The following SIPA1L3 variants were observed in gnomAD, a reference collection of about 807,000 sequenced individuals.
SIPA1L3 encodes signal induced proliferation associated 1 like 3.
Under a neutral mutation model 150.1 loss-of-function variants are expected in SIPA1L3, and 59 were observed. That is an observed-to-expected ratio of 0.39 (90% CI 0.32 to 0.49). The LOEUF is 0.49. Ranked by LOEUF, SIPA1L3 falls within the 20% of genes least tolerant of loss-of-function variation. The probability of loss-of-function intolerance (pLI) is 0.86; values close to 1 mark genes in which losing one functional copy is unlikely to be tolerated. For synonymous variants in SIPA1L3, 1,070 were observed against 1,077.6 expected (o/e 0.99, Z 0.14); for missense variants, 2,211 against 2,489.5 (o/e 0.89, Z 2.38).
chr19:38,076,696 T>C (rs1969845657), intron 2 of SIPA1L3, among the ~76,000 whole-genome samples: 1 of 152,146 alleles, frequency 6.6e-6, no homozygotes, highest in Admixed American at 6.5e-5. Context: ...AGTCATAACA[T>C]TACAAGAAAA....
At chr19:38,185,462 C>G (rs767867818) in intron 16 of SIPA1L3, 1 of 152,404 alleles carries the variant, frequency 6.6e-6, no homozygotes, top group Non-Finnish European at 1.5e-5. Flanking sequence ...CCCGCACCCC[C>G]ACTCTAGGCC....
intron 6 of SIPA1L3, chr19:38,106,234 G>A (rs1351319184): frequency 1.9e-5 from 6 of 314,170 alleles, no homozygotes; most frequent in Non-Finnish European, 3.0e-5. Flanking sequence ...AGCCTCCCGA[G>A]TAGCTGGGAC....
chr19:38,089,733 G>T (rs539376163), intron 4 of SIPA1L3, among the ~76,000 whole-genome samples: 3 of 152,318 alleles, frequency 2.0e-5, no homozygotes, highest in South Asian at 4.1e-4. Context: ...GCCTGTTGGG[G>T]CACCCATGCT....
At chr19:38,119,961 C>A in intron 9 of SIPA1L3, 79 bp downstream of exon 9, 1 of 1,011,318 alleles carries the variant, frequency 9.9e-7, no homozygotes. Flanking sequence ...TTCCCTAGCC[C>A]AGTCAGTTAG....
At chr19:38,112,084 C>CACATGCACACACCT (rs747352965) in intron 8 of SIPA1L3, among the ~76,000 whole-genome samples, 2 of 149,834 alleles carry the variant, frequency 1.3e-5, no homozygotes, top group African/African-American at 2.5e-5. Context: ...CATGCGTCCG[C>CACATGCACACACCT]ACATGCACAC....
chr19:38,000,828 A>G (rs944346265), intron 1 of SIPA1L3, among the ~76,000 whole-genome samples: 1 of 148,070 alleles, frequency 6.8e-6, no homozygotes, highest in African/African-American at 2.5e-5. Context: ...TGGTGGGGAG[A>G]GAATGAGTAA....
At chr19:38,203,764 C>A in intron 20 of SIPA1L3, 1 of 207,400 alleles carries the variant, frequency 4.8e-6, no homozygotes, top group Non-Finnish European at 9.7e-6. Flanking sequence ...CCTGGACCCG[C>A]CAGGTGCTCA....
intron 2 of SIPA1L3, among the ~76,000 whole-genome samples, chr19:38,068,213 T>C (rs1969640290): frequency 6.6e-6 from 1 of 151,966 alleles, no homozygotes; most frequent in African/African-American, 2.4e-5. Context: ...TATTTTTTAG[T>C]AGAGACGGGG....
chr19:38,150,529 CTTT>C (rs201046693), intron 12 of SIPA1L3, among the ~76,000 whole-genome samples: 10 of 119,816 alleles, frequency 8.3e-5, no homozygotes, highest in Non-Finnish European at 7.0e-5. Context: ...AATATCAACA[CTTT>C]TTTTTTTTTT....
rs531012741 is a variant in SIPA1L3 at position 37,912,779 on chromosome 19, AATTCAC to A, written c.-379+5423_-379+5428del. Among the ~76,000 whole-genome samples, 544 of 152,312 alleles carry A rather than the reference AATTCAC, an allele frequency of 3.6e-3. 3 individuals are homozygous for A. The highest frequency in any genetic ancestry group is 0.012 in the African/African-American group (504 of 41,564). ...ACATGTGTTCTTTCAAACCCAGAGA[AATTCAC>A]AGGAAGAGCCAACTCAATCACTTGA... On this transcript the variant is annotated intron_variant, in intron 1 of 21. Transcript: ENST00000222345.
intron 2 of SIPA1L3, among the ~76,000 whole-genome samples, chr19:38,049,736 A>T (rs1225306986): frequency 1.3e-5 from 2 of 150,668 alleles, no homozygotes; most frequent in Non-Finnish European, 3.0e-5. Context: ...CTGATCTTGA[A>T]CTCCTGAGCT....
At chr19:38,186,829 A>G (rs1370254846) in intron 16 of SIPA1L3, among the ~76,000 whole-genome samples, 2 of 150,102 alleles carry the variant, frequency 1.3e-5, no homozygotes, top group Non-Finnish European at 3.0e-5. Flanking sequence ...TGTCTCTACT[A>G]AAAATACAAA....
At chr19:38,187,513 C>T (rs1443689577) in intron 16 of SIPA1L3, among the ~76,000 whole-genome samples, 2 of 151,310 alleles carry the variant, frequency 1.3e-5, no homozygotes, top group East Asian at 1.9e-4. Flanking sequence ...GTCAGGAGAT[C>T]GAGTCCATCC....
chr19:38,086,598 G>A (rs1654358), intron 3 of SIPA1L3, among the ~76,000 whole-genome samples: 23,375 of 152,120 alleles, frequency 0.15, 1,891 homozygotes, highest in African/African-American at 0.19. Flanking sequence ...TGGGAGGATC[G>A]CTTCAGCCCT....
chr19:37,963,085 C>T (rs1764129522), intron 1 of SIPA1L3, among the ~76,000 whole-genome samples: 2 of 152,196 alleles, frequency 1.3e-5, no homozygotes, highest in Admixed American at 1.3e-4. Context: ...GCCAATAAAG[C>T]TTCCATCCTT....
intron 2 of SIPA1L3, among the ~76,000 whole-genome samples, chr19:38,075,812 G>A (rs536059980): frequency 6.6e-6 from 1 of 151,190 alleles, no homozygotes; most frequent in Non-Finnish European, 1.5e-5. Context: ...AAAAGATCTT[G>A]CAGGTGAACC....
At chr19:37,920,708 T>C (rs1394708944) in intron 1 of SIPA1L3, among the ~76,000 whole-genome samples, 1 of 152,214 alleles carries the variant, frequency 6.6e-6, no homozygotes, top group Non-Finnish European at 1.5e-5. Flanking sequence ...AAATGTTTGC[T>C]TTTTTCTTTT....
chr19:38,062,022 C>G (rs965593794), intron 2 of SIPA1L3, among the ~76,000 whole-genome samples: 2 of 151,758 alleles, frequency 1.3e-5, no homozygotes, highest in African/African-American at 4.8e-5. Flanking sequence ...CCCCTCACCC[C>G]GATGAGTGCA....
chr19:38,120,497 T>C (rs1970991612), intron 9 of SIPA1L3, among the ~76,000 whole-genome samples: 1 of 151,750 alleles, frequency 6.6e-6, no homozygotes, highest in Non-Finnish European at 1.5e-5. Flanking sequence ...AAAAGAAGTG[T>C]AAGAGTACTT....
Sources: allele counts gnomAD v4.1 joint callset (sites outside exome capture counted in the v4.1 genomes callset), GRCh38; gene constraint gnomAD v4.1.1; transcripts MANE v1.5; gene names NCBI Gene and HGNC (gene_info 2026-07-23, HGNC 2026-07-21).